Variants in PRR16 observed in about 807,000 individuals in gnomAD.
PRR16 encodes protein Largen.
In PRR16, 6 loss-of-function variants were observed where a neutral mutation model predicts 18.2. That is an observed-to-expected ratio of 0.33 (90% confidence interval 0.18 to 0.65). The LOEUF is 0.65. Among genes scored for constraint, PRR16 ranks in the 30% least tolerant of loss-of-function variants. PRR16 has a pLI of 0.74. For missense variants in PRR16, 412 were observed against 376.6 expected (o/e 1.09, Z -0.78); for synonymous variants, 151 against 147.8 (o/e 1.02, Z -0.16).
chr5:120,709,691 A>T, the PRR16 span, among the ~76,000 whole-genome samples: 1 of 152,040 alleles, frequency 6.6e-6, no homozygotes, highest in Non-Finnish European at 1.5e-5. Context: ...CTACCTTCAC[A>T]GGATCAGGTT....
chr5:120,657,739 C>T (rs1265376700), intron 1 of PRR16, among the ~76,000 whole-genome samples: 1 of 151,874 alleles, frequency 6.6e-6, no homozygotes, highest in Non-Finnish European at 1.5e-5. Flanking sequence ...TTCTGCCTTC[C>T]CAAGGACAGA....
chr5:120,621,720 T>C (rs750089853), intron 1 of PRR16, among the ~76,000 whole-genome samples: 1 of 152,092 alleles, frequency 6.6e-6, no homozygotes, highest in Non-Finnish European at 1.5e-5. Context: ...TGTACTTTGG[T>C]TAGCACATCT....
At chr5:120,754,645 T>G in the PRR16 span, among the ~76,000 whole-genome samples, 2 of 127,504 alleles carry the variant, frequency 1.6e-5, no homozygotes, top group African/African-American at 6.1e-5. Flanking sequence ...TATAAAGTAT[T>G]TATATATTAT....
chr5:120,638,441 C>A (rs1755314416), intron 1 of PRR16, among the ~76,000 whole-genome samples: 1 of 152,070 alleles, frequency 6.6e-6, no homozygotes, highest in African/African-American at 2.4e-5. Context: ...AGAAGAATTT[C>A]AGTAATGGTA....
chr5:120,742,572 C>T, the PRR16 span, among the ~76,000 whole-genome samples: 1 of 151,820 alleles, frequency 6.6e-6, no homozygotes, highest in Non-Finnish European at 1.5e-5. Context: ...AGATTAAAAG[C>T]ATAGTTTCAT....
intron 1 of PRR16, among the ~76,000 whole-genome samples, chr5:120,601,781 T>C (rs1243224044): frequency 6.6e-6 from 1 of 152,110 alleles, no homozygotes; most frequent in Non-Finnish European, 1.5e-5. Flanking sequence ...CTTCCACATA[T>C]GACTAGCCAG....
chr5:120,703,217 T>C, the PRR16 span, among the ~76,000 whole-genome samples: 144,259 of 152,172 alleles, frequency 0.95, 68,741 homozygotes, highest in East Asian at 1. Flanking sequence ...AGGAAAAGGA[T>C]TTTCACAAGG....
chr5:120,637,983 G>C (rs1222248345), intron 1 of PRR16, among the ~76,000 whole-genome samples: 2 of 152,104 alleles, frequency 1.3e-5, no homozygotes, highest in Non-Finnish European at 2.9e-5. Context: ...TCAGACTTCA[G>C]ATTTTTTCAG....
the PRR16 span, among the ~76,000 whole-genome samples, chr5:120,698,697 C>A: frequency 6.6e-6 from 1 of 151,992 alleles, no homozygotes; most frequent in Admixed American, 6.6e-5. Context: ...TACCTTGTAG[C>A]ATTCTGAGGA....
intron 1 of PRR16, among the ~76,000 whole-genome samples, chr5:120,484,109 G>A (rs551284123): frequency 6.6e-6 from 1 of 151,684 alleles, no homozygotes; most frequent in Admixed American, 6.6e-5. Flanking sequence ...AAAAGCAAGC[G>A]TATAACTAAC....
In PRR16 at chr5:120,608,673, A is replaced by G. The variant is rs766570773; in HGVS notation, c.160-77281A>G. Among the ~76,000 whole-genome samples the G allele has an allele frequency of 9.6e-4, 146 of 152,108 alleles. 3 individuals carry two copies. Among genetic ancestry groups the G allele is most frequent in the Non-Finnish European group, 3.7e-4 (25 of 67,992 alleles). On this transcript the variant is annotated intron_variant, in intron 1 of 1. Coordinates refer to ENST00000407149, the MANE Select transcript of PRR16 (RefSeq NM_001300783.2). ...ATTAGGCTAGATTTTTTTCTAACTT[A>G]TTTTCAACTATAGAATTATTTTTCT...
chr5:120,645,239 G>T (rs1258044042), intron 1 of PRR16, among the ~76,000 whole-genome samples: 2 of 151,910 alleles, frequency 1.3e-5, no homozygotes, highest in Admixed American at 1.3e-4. Flanking sequence ...CAACGTATGT[G>T]TTACAATATC....
chr5:120,792,422 G>A, the PRR16 span, among the ~76,000 whole-genome samples: 3 of 152,044 alleles, frequency 2.0e-5, no homozygotes, highest in Admixed American at 6.6e-5. Flanking sequence ...GTCCATCACT[G>A]TTTCTTCTTT....
At chr5:120,735,511 C>A in the PRR16 span, among the ~76,000 whole-genome samples, 1 of 152,090 alleles carries the variant, frequency 6.6e-6, no homozygotes, top group South Asian at 2.1e-4. Context: ...TAGTGGACAT[C>A]CTGGTAGGTA....
At chr5:120,467,230 A>G (rs1749132162) in intron 1 of PRR16, among the ~76,000 whole-genome samples, 1 of 152,158 alleles carries the variant, frequency 6.6e-6, no homozygotes, top group Admixed American at 6.5e-5. Context: ...CGTGTTAAAT[A>G]TAAACTGCTA....
chr5:120,675,472 T>G (rs1756764877), intron 1 of PRR16, among the ~76,000 whole-genome samples: 1 of 152,204 alleles, frequency 6.6e-6, no homozygotes, highest in Non-Finnish European at 1.5e-5. Context: ...TACTTCTCAC[T>G]TCCACTTTTT....
At chr5:120,642,817 G>A (rs1755467359) in intron 1 of PRR16, among the ~76,000 whole-genome samples, 1 of 151,946 alleles carries the variant, frequency 6.6e-6, no homozygotes, top group African/African-American at 2.4e-5. Flanking sequence ...CTCTTTCTCT[G>A]TATGCTCCCA....
intron 1 of PRR16, among the ~76,000 whole-genome samples, chr5:120,666,870 A>G (rs1397295830): frequency 6.8e-6 from 1 of 148,048 alleles, no homozygotes; most frequent in African/African-American, 2.5e-5. Context: ...CCAGTATTTT[A>G]TTGAGGATTT....
chr5:120,481,475 T>C (rs973012229), intron 1 of PRR16, among the ~76,000 whole-genome samples: 1 of 152,116 alleles, frequency 6.6e-6, no homozygotes, highest in African/African-American at 2.4e-5. Context: ...ATGATTAGTA[T>C]AGGAAAGGAA....
Sources: allele counts gnomAD v4.1 joint callset (sites outside exome capture counted in the v4.1 genomes callset), GRCh38; gene constraint gnomAD v4.1.1; transcripts MANE v1.5; gene names NCBI Gene and HGNC (gene_info 2026-07-23, HGNC 2026-07-21).